The following DOCK3 variants were observed in gnomAD, a reference collection of about 807,000 sequenced individuals.
The protein encoded by DOCK3 is dedicator of cytokinesis 3.
Under a neutral mutation model 265.6 loss-of-function variants are expected in DOCK3, and 60 were observed. The ratio of observed to expected loss-of-function variants is 0.23; its 90% CI spans 0.18 to 0.28. DOCK3 has a LOEUF of 0.28. DOCK3 is among the 10% of genes least tolerant of loss of function. DOCK3 has a pLI of 1.00. For missense variants in DOCK3, 1,981 were observed against 2,594.3 expected, an observed-to-expected ratio of 0.76 and a Z score of 5.14; for synonymous variants, 881 against 938.0, an observed-to-expected ratio of 0.94 and a Z score of 1.11.
Position 51,175,960 on chromosome 3 carries a change from A to G in DOCK3, c.1037+15258A>G, listed in dbSNP as rs575393622. On this transcript the variant is annotated intron_variant, in intron 12 of 52. Coordinates refer to ENST00000266037, the MANE Select transcript of DOCK3 (RefSeq NM_004947.5). ...GTGTTCAGACATGCATTGTTTGAACATGTGCAACAAATGTCTGCTAAGTCA... is the reference window on the plus strand; with the variant it reads ...GTGTTCAGACATGCATTGTTTGAACGTGTGCAACAAATGTCTGCTAAGTCA... Among the ~76,000 whole-genome samples the G allele has an allele frequency of 7.2e-5, 11 of 152,322 alleles. No homozygotes were observed. In the East Asian group the frequency reaches 2.1e-3, roughly 29 times the overall value.
chr3:50,804,262 G>A (rs1315931060), intron 2 of DOCK3, among the ~76,000 whole-genome samples: 1 of 151,952 alleles, frequency 6.6e-6, no homozygotes, highest in East Asian at 2.0e-4. Flanking sequence ...AGACTGGGCG[G>A]CCAGGCAGAG....
At chr3:50,809,765 T>C (rs1346297707) in intron 2 of DOCK3, among the ~76,000 whole-genome samples, 5 of 152,118 alleles carry the variant, frequency 3.3e-5, no homozygotes, top group Admixed American at 2.6e-4. Flanking sequence ...CACAGACATA[T>C]TATTGAAAAA....
At chr3:51,377,909 C>A (rs1014467463) in intron 51 of DOCK3, among the ~76,000 whole-genome samples, 1 of 152,220 alleles carries the variant, frequency 6.6e-6, no homozygotes. Flanking sequence ...GCCGCCCAGA[C>A]CCATTTCTAA....
At chr3:50,809,050 G>A (rs777487999) in intron 2 of DOCK3, among the ~76,000 whole-genome samples, 2 of 152,050 alleles carry the variant, frequency 1.3e-5, no homozygotes, top group Non-Finnish European at 2.9e-5. Flanking sequence ...TGTATACAAA[G>A]ATCTTTTATA....
At chr3:51,247,033 G>T (rs754377854) in intron 22 of DOCK3, among the ~76,000 whole-genome samples, 1 of 152,128 alleles carries the variant, frequency 6.6e-6, no homozygotes, top group Non-Finnish European at 1.5e-5. Context: ...ATATGCACAT[G>T]GCTCCTGGCT....
At chr3:50,702,066 A>C (rs1313077380) in intron 1 of DOCK3, among the ~76,000 whole-genome samples, 2 of 152,192 alleles carry the variant, frequency 1.3e-5, no homozygotes, top group African/African-American at 4.8e-5. Flanking sequence ...TTGTGGTTCC[A>C]TACAAATTTT....
chr3:51,141,524 C>T (rs999835173), intron 9 of DOCK3, among the ~76,000 whole-genome samples: 1 of 152,128 alleles, frequency 6.6e-6, no homozygotes, highest in Non-Finnish European at 1.5e-5. Context: ...GGTCCAGCTT[C>T]ATTCCTTTGC....
chr3:50,873,711 C>T (rs2047548426), intron 3 of DOCK3, among the ~76,000 whole-genome samples: 1 of 152,212 alleles, frequency 6.6e-6, no homozygotes, highest in African/African-American at 2.4e-5. Context: ...TTCAGGAACT[C>T]AAGTTCCAAT....
intron 1 of DOCK3, among the ~76,000 whole-genome samples, chr3:50,678,970 C>T (rs999391298): frequency 3.3e-5 from 5 of 151,980 alleles, no homozygotes; most frequent in African/African-American, 4.8e-5. Context: ...CCACCATGCC[C>T]GGCTAATTTT....
chr3:51,256,587 G>GT lies in DOCK3; in HGVS notation c.2185-3564dup, dbSNP rs369826497. Among the ~76,000 whole-genome samples the GT allele has an allele frequency of 5.5e-4, 74 of 135,640 alleles. 2 individuals are homozygous for GT. Among genetic ancestry groups the GT allele is most frequent in the Middle Eastern group, 7.9e-3 (2 of 254 alleles). The allele number at this position is 135,640 out of a possible 152,430, so 89.0% of individuals were successfully genotyped here. ...CACCCAGCGAAGAGCTTGAGTTTTC[G>GT]TTTTTGTTTTTTTTTTTTTTTTTTA... On this transcript the variant is annotated intron_variant, in intron 22 of 52. Transcript: ENST00000266037.
chr3:51,347,542 C>T lies in DOCK3; in HGVS notation c.3916-1310C>T, dbSNP rs150650659. 2.5e-3 allele frequency among the ~76,000 whole-genome samples: 375 copies of T among 152,268 alleles called. 3 individuals are homozygous for T. Among genetic ancestry groups the T allele is most frequent in the African/African-American group, 8.6e-3 (358 of 41,536 alleles). On this transcript the variant is annotated intron_variant, in intron 38 of 52. Transcript: ENST00000266037. ...TACCATGCTGTTTTGGTCACTGTAG[C>T]CTTGTAGTATAGTTTGAAGTCAGGT...
chr3:50,892,706 C>T (rs1360944605), intron 4 of DOCK3, among the ~76,000 whole-genome samples: 1 of 152,050 alleles, frequency 6.6e-6, no homozygotes, highest in Non-Finnish European at 1.5e-5. Flanking sequence ...AGGCTCACTG[C>T]AGCTAGCTTG....
chr3:51,220,304 T>C (rs560957895), intron 14 of DOCK3, among the ~76,000 whole-genome samples: 1 of 152,190 alleles, frequency 6.6e-6, no homozygotes, highest in East Asian at 1.9e-4. Context: ...AGAAAGCACA[T>C]CTGTAGAAAC....
chr3:51,015,082 G>A (rs1356461091), intron 5 of DOCK3, among the ~76,000 whole-genome samples: 1 of 152,040 alleles, frequency 6.6e-6, no homozygotes, highest in Non-Finnish European at 1.5e-5. Flanking sequence ...AACTGAACAA[G>A]GATAATTTGA....
chr3:51,302,172 C>T (rs567370776), intron 27 of DOCK3, among the ~76,000 whole-genome samples: 139 of 152,040 alleles, frequency 9.1e-4, no homozygotes, highest in Non-Finnish European at 1.4e-3. Flanking sequence ...ATCCCTTTAC[C>T]ACTGTGTAAT....
chr3:50,738,664 AT>A (rs1559573488), intron 1 of DOCK3, among the ~76,000 whole-genome samples: 1 of 152,242 alleles, frequency 6.6e-6, no homozygotes, highest in African/African-American at 2.4e-5. Flanking sequence ...ACAGGTGCAG[AT>A]TAAGTTCACC....
intron 2 of DOCK3, among the ~76,000 whole-genome samples, chr3:50,804,963 A>T (rs936260423): frequency 2.0e-5 from 3 of 152,050 alleles, no homozygotes; most frequent in Admixed American, 6.5e-5. Flanking sequence ...CTTGTATGGC[A>T]CTGAGTTTCC....
intron 4 of DOCK3, among the ~76,000 whole-genome samples, chr3:50,922,320 T>G (rs1015059964): frequency 2.6e-5 from 4 of 152,064 alleles, no homozygotes; most frequent in Non-Finnish European, 4.4e-5. Context: ...GTGCTAGCAG[T>G]GATCGAGGCT....
At chr3:51,053,406 T>G (rs1377610296) in intron 5 of DOCK3, among the ~76,000 whole-genome samples, 1 of 151,236 alleles carries the variant, frequency 6.6e-6, no homozygotes, top group East Asian at 1.9e-4. Context: ...TTTCAATACT[T>G]CCAAACTAGT....
Sources: allele counts gnomAD v4.1 joint callset (sites outside exome capture counted in the v4.1 genomes callset), GRCh38; gene constraint gnomAD v4.1.1; transcripts MANE v1.5; gene names NCBI Gene and HGNC (gene_info 2026-07-23, HGNC 2026-07-21).